Variants in MYO16 observed in about 807,000 individuals in gnomAD.
The protein encoded by MYO16 is myosin XVI.
In MYO16, 94 loss-of-function variants were observed where a neutral mutation model predicts 205.3. The ratio of observed to expected loss-of-function variants is 0.46; its 90% CI spans 0.39 to 0.54. The LOEUF is 0.54. Among genes scored for constraint, MYO16 ranks in the 20% least tolerant of loss-of-function variants. The pLI, the probability that MYO16 is intolerant of heterozygous loss-of-function variation, is 0.00. For missense variants in MYO16, 2,315 were observed against 2,387.5 expected (o/e 0.97, Z 0.63); for synonymous variants, 988 against 954.0 (o/e 1.04, Z -0.66).
chr13:108,611,792 G>GA (rs796733635), intron 1 of MYO16, among the ~76,000 whole-genome samples: 63 of 145,020 alleles, frequency 4.3e-4, no homozygotes, highest in South Asian at 1.3e-3. Context: ...CTTGTAAATT[G>GA]AAAAAAAAAA....
At chr13:108,522,740 A>T in the MYO16 span, among the ~76,000 whole-genome samples, 5 of 147,080 alleles carry the variant, frequency 3.4e-5, no homozygotes, top group African/African-American at 1.2e-4. Flanking sequence ...TCTTCACAGG[A>T]TCCTTACCAT....
chr13:108,748,576 T>A (rs1377091079), intron 4 of MYO16, among the ~76,000 whole-genome samples: 1 of 152,046 alleles, frequency 6.6e-6, no homozygotes, highest in African/African-American at 2.4e-5. Context: ...TTAAAAATGC[T>A]TATTATAAGA....
chr13:108,789,542 G>C (rs1886554521), intron 5 of MYO16, among the ~76,000 whole-genome samples: 1 of 152,176 alleles, frequency 6.6e-6, no homozygotes, highest in African/African-American at 2.4e-5. Context: ...TGGGGTTACA[G>C]TCTGCATGAC....
chr13:108,964,592 C>A (rs983147501), intron 19 of MYO16, among the ~76,000 whole-genome samples, 169 bp from the exon 20 acceptor site: 1 of 152,158 alleles, frequency 6.6e-6, no homozygotes, highest in Non-Finnish European at 1.5e-5. Context: ...CTTTAGGAAA[C>A]ATTTTGCATA....
chr13:108,574,802 A>T, the MYO16 span, among the ~76,000 whole-genome samples: 3 of 152,236 alleles, frequency 2.0e-5, no homozygotes, highest in Non-Finnish European at 2.9e-5. Flanking sequence ...TGTTAAACAC[A>T]GTTGTTAATC....
the MYO16 span, among the ~76,000 whole-genome samples, chr13:108,564,849 A>G: frequency 2.0e-5 from 3 of 152,090 alleles, no homozygotes; most frequent in Non-Finnish European, 4.4e-5. Flanking sequence ...ATGGGGGTCA[A>G]GTTTCATTCT....
the MYO16 span, among the ~76,000 whole-genome samples, chr13:108,500,193 C>T: frequency 0.022 from 2,878 of 132,852 alleles, 55 homozygotes; most frequent in Non-Finnish European, 0.029. Context: ...CTCTGTTATT[C>T]CCGTTGATTC....
At chr13:109,145,419 G>A (rs896650551) in intron 32 of MYO16, among the ~76,000 whole-genome samples, 5 of 152,184 alleles carry the variant, frequency 3.3e-5, no homozygotes, top group Admixed American at 2.6e-4. Flanking sequence ...GAGGGGCAAC[G>A]AGTAATAGTC....
intron 2 of MYO16, among the ~76,000 whole-genome samples, chr13:108,683,576 G>T (rs985238872): frequency 1.3e-5 from 2 of 152,138 alleles, no homozygotes; most frequent in South Asian, 4.1e-4. Context: ...AAGCACTGCC[G>T]CGTGATTGTG....
chr13:108,504,786 C>T, the MYO16 span, among the ~76,000 whole-genome samples: 6 of 152,082 alleles, frequency 3.9e-5, no homozygotes, highest in Non-Finnish European at 8.8e-5. Flanking sequence ...CCACCCACCT[C>T]GGCCTCCCAA....
At chr13:109,100,708 C>T in intron 27 of MYO16, 77 bp from the exon 28 acceptor site, 1 of 1,182,366 alleles carries the variant, frequency 8.5e-7, no homozygotes, top group Non-Finnish European at 1.2e-6. Flanking sequence ...AACGATGTAA[C>T]AAAGACAGCC....
intron 27 of MYO16, among the ~76,000 whole-genome samples, chr13:109,064,999 G>A (rs1356069168): frequency 6.6e-6 from 1 of 152,156 alleles, no homozygotes; most frequent in Non-Finnish European, 1.5e-5. Context: ...CTTGCTTGGG[G>A]CCTCTTCCCC....
At chr13:109,117,494 AATATATATGTATATATGTATGTAT>A (rs1875777755) in intron 28 of MYO16, among the ~76,000 whole-genome samples, 1 of 148,212 alleles carries the variant, frequency 6.7e-6, no homozygotes, top group Non-Finnish European at 1.5e-5. Flanking sequence ...ATATATATGT[AATATATATGTATATATGTATGTAT>A]ATATATATAC....
At chr13:108,979,137 T>G (rs1395043994) in intron 20 of MYO16, among the ~76,000 whole-genome samples, 2 of 152,018 alleles carry the variant, frequency 1.3e-5, no homozygotes, top group Non-Finnish European at 2.9e-5. Flanking sequence ...TTAGTCACTT[T>G]CACATTTATA....
chr13:108,878,798 C>G (rs1215353031), intron 12 of MYO16, among the ~76,000 whole-genome samples: 1 of 152,242 alleles, frequency 6.6e-6, no homozygotes, highest in African/African-American at 2.4e-5. Context: ...CATGCTCCCC[C>G]TCCCATAAGG....
At chr13:108,619,657 AG>A (rs1337443710) in intron 1 of MYO16, among the ~76,000 whole-genome samples, 2 of 152,136 alleles carry the variant, frequency 1.3e-5, no homozygotes, top group East Asian at 3.9e-4. Context: ...CCAAGAAGAA[AG>A]GGGAAGGGAC....
intron 27 of MYO16, among the ~76,000 whole-genome samples, chr13:109,069,840 A>G (rs1887871524): frequency 6.6e-6 from 1 of 152,120 alleles, no homozygotes; most frequent in African/African-American, 2.4e-5. Flanking sequence ...AAGAGGTCAC[A>G]AGCATTCAGT....
At chr13:108,816,690 G>T (rs545860473) in intron 7 of MYO16, among the ~76,000 whole-genome samples, 1 of 152,168 alleles carries the variant, frequency 6.6e-6, no homozygotes, top group South Asian at 2.1e-4. Flanking sequence ...CCGCCTCAAG[G>T]TGCATAAAAG....
chr13:108,502,320 G>A, the MYO16 span, among the ~76,000 whole-genome samples: 1 of 152,092 alleles, frequency 6.6e-6, no homozygotes, highest in Non-Finnish European at 1.5e-5. Context: ...TGTCATATTT[G>A]TTTCTTATTT....
Sources: gnomAD v4.1 joint callset for allele counts (sites outside exome capture counted in the v4.1 genomes callset) on GRCh38, gnomAD v4.1.1 for gene constraint, MANE v1.5 for transcripts, NCBI Gene and HGNC (gene_info 2026-07-23, HGNC 2026-07-21) for gene names.